THUMPD2: variants seen among roughly 807,000 people sequenced by gnomAD.
THUMPD2 encodes THUMP domain 2 tRNA and snRNA guanosine methyltransferase.
THUMPD2 carries 56 observed loss-of-function variants against 49.4 expected under a neutral mutation model. That is an observed-to-expected ratio of 1.13 (90% CI 0.91 to 1.41). The LOEUF is 1.41. THUMPD2 is among the 40% of genes most tolerant of loss of function. THUMPD2 has a pLI of 0.00. For missense variants in THUMPD2, 709 were observed against 594.5 expected (o/e 1.19, Z -2.00); for synonymous variants, 237 against 205.2 (o/e 1.15, Z -1.32).
chr2:39,748,504 C>A (rs2148215656), intron 8 of THUMPD2, among the ~76,000 whole-genome samples: 2 of 151,996 alleles, frequency 1.3e-5, no homozygotes, highest in Middle Eastern at 3.4e-3. Flanking sequence ...AGATTGAGAC[C>A]ATCCTGGCCA....
chr2:39,763,456 C>G (rs1466526923), intron 5 of THUMPD2, among the ~76,000 whole-genome samples: 3 of 152,166 alleles, frequency 2.0e-5, no homozygotes, highest in Non-Finnish European at 2.9e-5. Flanking sequence ...AACTCTAGAT[C>G]TGTAACTTCA....
chr2:39,757,462 G>C (rs1466039909), intron 6 of THUMPD2: 3 of 1,257,232 alleles, frequency 2.4e-6, no homozygotes, highest in Non-Finnish European at 3.1e-6. Context: ...CCCATGAAGG[G>C]GCAGTAAGGA....
chr2:39,744,515 G>C, intron 8 of THUMPD2, 37 bp from the exon 9 acceptor site: 2 of 1,305,056 alleles, frequency 1.5e-6, no homozygotes, highest in Non-Finnish European at 2.1e-6. Flanking sequence ...ATTACAGTAG[G>C]GTCAAATATT....
In THUMPD2 at chr2:39,779,209, CG is replaced by C; in HGVS notation, c.30del (p.Pro12LeufsTer19). 2.0e-6 allele frequency: 3 copies of C among 1,506,688 alleles called. No individual in the cohort carries two copies. Among genetic ancestry groups the C allele is most frequent in the Non-Finnish European group, 1.8e-6 (2 of 1,133,558 alleles). The allele number at this position is 1,506,688 out of a possible 1,614,324, so 93.3% of individuals were successfully genotyped here. On this transcript the variant is annotated frameshift_variant, in exon 1 of 10. Coordinates refer to ENST00000505747, the MANE Select transcript of THUMPD2 (RefSeq NM_025264.5). LOFTEE classifies it high-confidence loss of function. ...AAGAATCGGGCGCCAGCCTCAGGCC[CG>C]GACCCTGGCTCTCCACGCGCCTCCG... MSEARGEPG[S>X]GPEAGARFFC... is the part of the protein sequence containing the mutation.
At chr2:39,776,513 C>A (rs768752125) in intron 1 of THUMPD2, among the ~76,000 whole-genome samples, 19 of 152,042 alleles carry the variant, frequency 1.2e-4, no homozygotes, top group South Asian at 4.2e-4. Flanking sequence ...CGTGCCTCAG[C>A]CTCCCGAACA....
chr2:39,777,078 T>C (rs968316436), intron 1 of THUMPD2, among the ~76,000 whole-genome samples: 7 of 152,246 alleles, frequency 4.6e-5, no homozygotes, highest in South Asian at 4.1e-4. Flanking sequence ...TCTCTTATCA[T>C]TGAAAGAATG....
chr2:39,765,335 T>A (rs1677370966), intron 5 of THUMPD2, among the ~76,000 whole-genome samples: 1 of 152,114 alleles, frequency 6.6e-6, no homozygotes, highest in Non-Finnish European at 1.5e-5. Context: ...AATTTTTGTA[T>A]TTTTGGTAGA....
intron 1 of THUMPD2, among the ~76,000 whole-genome samples, chr2:39,772,094 A>T (rs929312837): frequency 1.6e-4 from 25 of 152,236 alleles, no homozygotes; most frequent in African/African-American, 6.0e-4. Context: ...TACACTAAGT[A>T]GCAATGACTA....
intron 5 of THUMPD2, 140 bp downstream of exon 5, chr2:39,765,917 G>A: frequency 1.4e-6 from 1 of 698,834 alleles, no homozygotes; most frequent in Non-Finnish European, 2.4e-6. Context: ...ATACTTTATT[G>A]TCTTAAGCAA....
intron 8 of THUMPD2, among the ~76,000 whole-genome samples, chr2:39,752,278 C>T (rs1176176749): frequency 6.6e-6 from 1 of 152,084 alleles, no homozygotes; most frequent in Non-Finnish European, 1.5e-5. Context: ...CTTCATATTA[C>T]AGATGAGAAA....
At chr2:39,767,954 T>C (rs1677777662) in intron 4 of THUMPD2, among the ~76,000 whole-genome samples, 1 of 152,208 alleles carries the variant, frequency 6.6e-6, no homozygotes, top group South Asian at 2.1e-4. Context: ...AAATACTTGT[T>C]TGTTCCAAAT....
At chr2:39,751,787 C>T (rs1273918730) in intron 8 of THUMPD2, among the ~76,000 whole-genome samples, 6 of 146,000 alleles carry the variant, frequency 4.1e-5, no homozygotes, top group African/African-American at 1.3e-4. Context: ...TAGGTTCAAG[C>T]GATTCTTCTG....
At chr2:39,766,750 C>G (rs1400481506) in intron 4 of THUMPD2, among the ~76,000 whole-genome samples, 1 of 152,098 alleles carries the variant, frequency 6.6e-6, no homozygotes, top group African/African-American at 2.4e-5. Context: ...TCAAGAATAT[C>G]TGGTCCCTGA....
intron 4 of THUMPD2, 82 bp downstream of exon 4, chr2:39,768,342 C>A: frequency 8.4e-7 from 1 of 1,192,968 alleles, no homozygotes. Flanking sequence ...TAAAATAAAA[C>A]GGAAAAGTAT....
In THUMPD2 at chr2:39,768,487, T is replaced by G. The variant is rs1171123187; in HGVS notation, c.687A>C (p.Val229=). Residue 229 remains valine (V), a synonymous_variant, in exon 4 of 10, where the codon GTA becomes GTC. Transcript: ENST00000505747. ...KAFTAQEVGK[V]IGIAIMKHFG... is the part of the protein sequence containing the mutation. ...AGTGTTTCATAATAGCAATTCCAAT[T>G]ACTTTTCCTACCTCCTGGAAAAGTA... 2 of 1,612,182 alleles carry G rather than the reference T, an allele frequency of 1.2e-6. No homozygotes were observed. The highest frequency in any genetic ancestry group is 1.3e-5 in the African/African-American group (1 of 74,976).
chr2:39,755,764 A>G (rs1291177875), intron 7 of THUMPD2, 125 bp downstream of exon 7: 17 of 770,942 alleles, frequency 2.2e-5, no homozygotes, highest in African/African-American at 8.8e-5. Context: ...TTTTGAGTAA[A>G]TAATAACTCA....
chr2:39,749,778 C>A (rs1288817275), intron 8 of THUMPD2, among the ~76,000 whole-genome samples: 1 of 151,964 alleles, frequency 6.6e-6, no homozygotes, highest in Non-Finnish European at 1.5e-5. Context: ...CCTGACAGAC[C>A]CCTGTGTGTG....
At chr2:39,741,752 G>A (rs1673923129) in intron 9 of THUMPD2, among the ~76,000 whole-genome samples, 1 of 152,064 alleles carries the variant, frequency 6.6e-6, no homozygotes, top group African/African-American at 2.4e-5. Context: ...AGTACATACA[G>A]TACTATTTCC....
chr2:39,773,771 A>C (rs1242951187), intron 1 of THUMPD2, among the ~76,000 whole-genome samples: 2 of 151,894 alleles, frequency 1.3e-5, no homozygotes, highest in African/African-American at 4.8e-5. Flanking sequence ...TGCCAAATAC[A>C]TTCTTGAAAC....
Sources: gnomAD v4.1 joint callset for allele counts (sites outside exome capture counted in the v4.1 genomes callset) on GRCh38, gnomAD v4.1.1 for gene constraint, MANE v1.5 for transcripts, NCBI Gene and HGNC (gene_info 2026-07-23, HGNC 2026-07-21) for gene names.